Variants in TBC1D1 observed in about 807,000 individuals in gnomAD.
The protein encoded by TBC1D1 is TBC1 domain family member 1.
TBC1D1 carries 89 observed loss-of-function variants against 125.6 expected under a neutral mutation model. The ratio of observed to expected loss-of-function variants is 0.71; its 90% CI spans 0.60 to 0.85. The LOEUF is 0.85. Among genes scored for constraint, TBC1D1 ranks in the 40% least tolerant of loss-of-function variants. The pLI is 0.00. For synonymous variants in TBC1D1, 565 were observed against 564.1 expected (o/e 1.00, Z -0.02); for missense variants, 1,377 against 1,469.2 (o/e 0.94, Z 1.03).
intron 12 of TBC1D1, among the ~76,000 whole-genome samples, chr4:38,063,928 G>A (rs1410462112): frequency 6.6e-6 from 1 of 152,148 alleles, no homozygotes; most frequent in East Asian, 1.9e-4. Flanking sequence ...ACCCACCGCA[G>A]TCTAATTTTG....
intron 2 of TBC1D1, among the ~76,000 whole-genome samples, chr4:37,983,226 C>T (rs1382880188): frequency 6.6e-6 from 1 of 150,928 alleles, no homozygotes; most frequent in Non-Finnish European, 1.5e-5. Flanking sequence ...AGTGATTCTC[C>T]TGCCTCAGCT....
intron 2 of TBC1D1, chr4:37,960,916 TG>T: frequency 6.2e-7 from 1 of 1,614,210 alleles, no homozygotes; most frequent in South Asian, 1.1e-5. Context: ...CTGTTTCAGC[TG>T]GGCCCCCCTT....
chr4:37,925,638 G>A (rs529900597), intron 2 of TBC1D1, among the ~76,000 whole-genome samples: 38 of 146,340 alleles, frequency 2.6e-4, no homozygotes, highest in South Asian at 2.1e-3. Flanking sequence ...AGCTAAGATC[G>A]CGCCACTGCA....
intron 2 of TBC1D1, among the ~76,000 whole-genome samples, chr4:38,004,226 CTT>C (rs1408134447): frequency 6.6e-6 from 1 of 152,222 alleles, no homozygotes; most frequent in Non-Finnish European, 1.5e-5. Context: ...CATCTCTACT[CTT>C]TTAAAGGTTA....
intron 2 of TBC1D1, among the ~76,000 whole-genome samples, chr4:37,985,941 T>A (rs1560572912): frequency 6.7e-6 from 1 of 150,206 alleles, no homozygotes; most frequent in Non-Finnish European, 1.5e-5. Flanking sequence ...AAAGGAATAG[T>A]GAGGAAATAC....
chr4:37,913,113 T>C (rs565767621), intron 2 of TBC1D1, among the ~76,000 whole-genome samples: 2 of 152,350 alleles, frequency 1.3e-5, no homozygotes, highest in East Asian at 3.8e-4. Flanking sequence ...GAGTCCATGC[T>C]GATGTCTTCT....
intron 2 of TBC1D1, among the ~76,000 whole-genome samples, chr4:37,973,399 T>C (rs2890591): frequency 0.38 from 58,249 of 152,128 alleles, 11,295 homozygotes; most frequent in Middle Eastern, 0.47. Flanking sequence ...GCCTGTTTTT[T>C]TGCAAGAAAT....
chr4:38,054,445 G>A (rs1281919002), intron 12 of TBC1D1, 107 bp downstream of exon 14: 1 of 1,450,638 alleles, frequency 6.9e-7, no homozygotes, highest in African/African-American at 1.4e-5. Flanking sequence ...CTTCAGTATT[G>A]GCAGGTCTGA....
chr4:37,939,531 A>G (rs1725098296), intron 2 of TBC1D1, among the ~76,000 whole-genome samples: 1 of 152,156 alleles, frequency 6.6e-6, no homozygotes. Flanking sequence ...GTTTCATTAG[A>G]TCCCATTTGT....
intron 2 of TBC1D1, among the ~76,000 whole-genome samples, chr4:37,909,023 G>A (rs1717965982): frequency 6.6e-6 from 1 of 152,224 alleles, no homozygotes; most frequent in Non-Finnish European, 1.5e-5. Flanking sequence ...ACTGAACCGT[G>A]TGGGCTCCCT....
chr4:38,044,580 A>G (rs1296343016), intron 9 of TBC1D1, 90 bp downstream of exon 9: 3 of 1,339,212 alleles, frequency 2.2e-6, no homozygotes, highest in Non-Finnish European at 2.0e-6. Flanking sequence ...ATCAATGTTC[A>G]TCATAAAGGT....
At chr4:37,999,676 G>T (rs1738603221) in intron 2 of TBC1D1, among the ~76,000 whole-genome samples, 1 of 152,178 alleles carries the variant, frequency 6.6e-6, no homozygotes, top group Admixed American at 6.5e-5. Flanking sequence ...GTGGAGGAGA[G>T]TCAGTGGAAG....
intron 2 of TBC1D1, among the ~76,000 whole-genome samples, chr4:37,922,248 G>A (rs1428544097): frequency 6.6e-6 from 1 of 152,084 alleles, no homozygotes; most frequent in Non-Finnish European, 1.5e-5. Flanking sequence ...CAGTTGTTTA[G>A]GATGGAGGCC....
intron 1 of TBC1D1, among the ~76,000 whole-genome samples, chr4:37,900,808 A>G (rs1195543144): frequency 6.6e-6 from 1 of 152,218 alleles, no homozygotes; most frequent in East Asian, 1.9e-4. Context: ...ACTGTGGCTC[A>G]TGCCTATAAT....
At chr4:38,033,199 A>G (rs558263516) in intron 7 of TBC1D1, among the ~76,000 whole-genome samples, 73 of 152,298 alleles carry the variant, frequency 4.8e-4, no homozygotes, top group Non-Finnish European at 8.5e-4. Flanking sequence ...TTAGCCCTTT[A>G]AAATATTTTG....
In TBC1D1 at chr4:37,977,231, CCTCCCCTCCT is replaced by C. The variant is rs1273085471; in HGVS notation, c.418-37266_418-37257del. ...GGGGTGGGCGGGGTCGGCTGCGCGC[CCTCCCCTCCT>C]CTCCCCTCCTCCCCCCGCCCACCCC... On this transcript the variant is annotated intron_variant, in intron 2 of 19. Coordinates refer to ENST00000261439, the MANE Select transcript of TBC1D1 (RefSeq NM_015173.4). The surrounding 1 kb of genome is among the most constrained non-coding windows in gnomAD (Gnocchi z 4.3). 6.6e-6 allele frequency: 1 copy of C among 150,670 alleles called. No homozygotes were observed. The highest frequency in any genetic ancestry group is 1.5e-5 in the Non-Finnish European group (1 of 67,382). 9.3% of individuals were successfully genotyped at this position (150,670 alleles called of 1,614,324 possible).
chr4:38,095,189 C>G (rs1759121976), intron 13 of TBC1D1, among the ~76,000 whole-genome samples: 1 of 152,186 alleles, frequency 6.6e-6, no homozygotes, highest in African/African-American at 2.4e-5. Flanking sequence ...TTCCCTCTAG[C>G]TAGTAAATAA....
At chr4:37,944,116 C>A (rs1726144305) in intron 2 of TBC1D1, among the ~76,000 whole-genome samples, 1 of 152,192 alleles carries the variant, frequency 6.6e-6, no homozygotes, top group African/African-American at 2.4e-5. Flanking sequence ...ACCTTGTTTG[C>A]CTGGGTATCA....
At chr4:37,938,933 C>T (rs1169481808) in intron 2 of TBC1D1, among the ~76,000 whole-genome samples, 1 of 152,188 alleles carries the variant, frequency 6.6e-6, no homozygotes, top group East Asian at 1.9e-4. Context: ...CATTGATGGA[C>T]ATCTGGGTTG....
Sources: allele counts gnomAD v4.1 joint callset (sites outside exome capture counted in the v4.1 genomes callset), GRCh38; gene constraint gnomAD v4.1.1; non-coding constraint Gnocchi (gnomAD v3.1); transcripts MANE v1.5; gene names NCBI Gene and HGNC (gene_info 2026-07-23, HGNC 2026-07-21).